Variants in KCTD16 observed in about 807,000 individuals in gnomAD.
KCTD16 encodes the protein potassium channel tetramerization domain containing 16, also known as BTB/POZ domain-containing protein KCTD16.
Under a neutral mutation model 33.2 loss-of-function variants are expected in KCTD16, and 13 were observed. The observed-to-expected ratio is 0.39, with a 90% CI of 0.25 to 0.62. The LOEUF (loss-of-function observed/expected upper bound fraction) is 0.62, where lower values mean the gene tolerates loss of function less well. Ranked by LOEUF, KCTD16 falls within the 20% of genes least tolerant of loss-of-function variation. KCTD16 has a pLI of 0.50. For missense variants in KCTD16, 441 were observed against 525.1 expected, an observed-to-expected ratio of 0.84 and a Z score of 1.57; for synonymous variants, 197 against 195.3, an observed-to-expected ratio of 1.01 and a Z score of -0.07.
At chr5:144,447,591 G>A (rs191074284) in intron 3 of KCTD16, among the ~76,000 whole-genome samples, 48 of 151,916 alleles carry the variant, frequency 3.2e-4, no homozygotes, top group African/African-American at 1.1e-3. Flanking sequence ...AAAAGAAAAT[G>A]CATGGAATTT....
chr5:144,437,077 G>A (rs528167335), intron 3 of KCTD16, among the ~76,000 whole-genome samples: 6 of 152,210 alleles, frequency 3.9e-5, no homozygotes, highest in Admixed American at 1.3e-4. Flanking sequence ...CTGTAGATTC[G>A]GTTTTGGAAG....
At position 144,483,788 on chromosome 5, in the gene KCTD16, T is replaced by C. The variant is rs1561626181; in HGVS notation, c.*9674T>C. ...CTTCAACTGATAGTCCTAGCACAGA[T>C]CCCTCCTCCCAGAGATCTGTCAGGT... On this transcript the variant is annotated 3_prime_UTR_variant, in exon 4 of 4. Transcript: ENST00000512467. 1 of 151,956 alleles carries C rather than the reference T, an allele frequency of 6.6e-6. No individual in the cohort carries two copies. 9.4% of individuals were successfully genotyped at this position (151,956 alleles called of 1,614,324 possible).
At chr5:144,429,879 T>C (rs755142635) in intron 3 of KCTD16, among the ~76,000 whole-genome samples, 1 of 149,956 alleles carries the variant, frequency 6.7e-6, no homozygotes, top group African/African-American at 2.5e-5. Flanking sequence ...TACCTTTAAA[T>C]CTAAAGACCA....
chr5:144,182,261 T>C (rs1752641795), intron 2 of KCTD16, among the ~76,000 whole-genome samples: 1 of 152,172 alleles, frequency 6.6e-6, no homozygotes, highest in Non-Finnish European at 1.5e-5. Context: ...CATGGATGAC[T>C]CTTGCCAGGT....
intron 3 of KCTD16, among the ~76,000 whole-genome samples, chr5:144,251,952 C>A (rs1400306765): frequency 6.6e-6 from 1 of 151,958 alleles, no homozygotes; most frequent in South Asian, 2.1e-4. Flanking sequence ...CTTCTTTTTC[C>A]TACATCTTTA....
intron 3 of KCTD16, among the ~76,000 whole-genome samples, chr5:144,328,619 ATG>A (rs904181018): frequency 3.3e-5 from 5 of 151,922 alleles, no homozygotes; most frequent in African/African-American, 1.2e-4. Context: ...TACATCATCT[ATG>A]TGTAAACTAA....
At chr5:144,462,748 C>T (rs1754229514) in intron 3 of KCTD16, among the ~76,000 whole-genome samples, 1 of 152,214 alleles carries the variant, frequency 6.6e-6, no homozygotes, top group Non-Finnish European at 1.5e-5. Flanking sequence ...TATTTATGTT[C>T]CATGCCGTCT....
intron 3 of KCTD16, among the ~76,000 whole-genome samples, chr5:144,363,094 G>C (rs1751752288): frequency 6.6e-6 from 1 of 152,130 alleles, no homozygotes. Flanking sequence ...GCTCATGCCT[G>C]TAATCCCAGC....
intron 2 of KCTD16, among the ~76,000 whole-genome samples, chr5:144,184,526 T>G (rs902708296): frequency 1.3e-5 from 2 of 152,188 alleles, no homozygotes; most frequent in African/African-American, 4.8e-5. Context: ...GGATATATAC[T>G]TAGAAGTAGA....
In KCTD16 at chr5:144,480,949, G is replaced by A. The variant is rs921581556; in HGVS notation, c.*6835G>A. 2 of 151,870 alleles carry A rather than the reference G, an allele frequency of 1.3e-5. No individual in the cohort carries two copies. Among genetic ancestry groups the A allele is most frequent in the Non-Finnish European group, 2.9e-5 (2 of 67,898 alleles). The allele number at this position is 151,870 out of a possible 1,614,324, so 9.4% of individuals were successfully genotyped here. ...ATCGGAACCAGTTTAAATGTGTATA[G>A]AAATTATATGTATGGAAATTATTTG... is the stretch of plus-strand genomic sequence containing the variant. On this transcript the variant is annotated 3_prime_UTR_variant, in exon 4 of 4. Coordinates refer to ENST00000512467, the MANE Select transcript of KCTD16 (RefSeq NM_020768.4).
chr5:144,190,736 C>T (rs1349831830), intron 2 of KCTD16, among the ~76,000 whole-genome samples: 1 of 152,114 alleles, frequency 6.6e-6, no homozygotes, highest in African/African-American at 2.4e-5. Context: ...TTATTTTTCT[C>T]CACTATATTT....
chr5:144,206,706 A>T lies in KCTD16; in HGVS notation c.-9A>T. On this transcript the variant is annotated 5_prime_UTR_variant, in exon 3 of 4. Coordinates refer to ENST00000512467, the MANE Select transcript of KCTD16 (RefSeq NM_020768.4). ...TAAATCAAAATAGCAGCAGCAGAAG[A>T]AAGGGACAATGGCTCTGAGTGGAAA... 6.2e-7 allele frequency: 1 copy of T among 1,603,086 alleles called. No individual in the cohort carries two copies. The highest frequency in any genetic ancestry group is 1.7e-4 in the Middle Eastern group (1 of 6,008).
At chr5:144,388,983 G>A (rs1752392423) in intron 3 of KCTD16, among the ~76,000 whole-genome samples, 1 of 152,156 alleles carries the variant, frequency 6.6e-6, no homozygotes, top group African/African-American at 2.4e-5. Flanking sequence ...GATGTTATGT[G>A]GGTGTTTTAT....
At chr5:144,341,330 A>G (rs1264617090) in intron 3 of KCTD16, among the ~76,000 whole-genome samples, 1 of 152,118 alleles carries the variant, frequency 6.6e-6, no homozygotes, top group Admixed American at 6.5e-5. Context: ...CACCTTGCTC[A>G]CTTGGGGAGA....
intron 2 of KCTD16, among the ~76,000 whole-genome samples, chr5:144,180,226 A>AC: frequency 6.6e-6 from 1 of 152,160 alleles, no homozygotes; most frequent in East Asian, 1.9e-4. Flanking sequence ...TGTTTCTAAG[A>AC]CCCACAGTCC....
rs535641289 is a variant in KCTD16, at chr5:144,460,898, G to T, written c.833-12762G>T. On this transcript the variant is annotated intron_variant, in intron 3 of 3. Coordinates refer to ENST00000512467, the MANE Select transcript of KCTD16 (RefSeq NM_020768.4). ...ATAAAAATGGTCTATAATCTAGTAA[G>T]CATTATTATACAAATACCAGATACC... 3.3e-5 allele frequency among the ~76,000 whole-genome samples: 5 copies of T among 152,236 alleles called. No individual in the cohort carries two copies. In the South Asian group the frequency reaches 1.0e-3, roughly 32 times the overall value.
intron 3 of KCTD16, chr5:144,384,397 A>G (rs1408659200): frequency 1.3e-5 from 2 of 152,254 alleles, no homozygotes; most frequent in African/African-American, 2.4e-5. Context: ...TTCATCAGAC[A>G]TCTGACCAAA....
chr5:144,363,745 A>G (rs1751770808), intron 3 of KCTD16, among the ~76,000 whole-genome samples: 2 of 152,040 alleles, frequency 1.3e-5, no homozygotes, highest in Admixed American at 6.5e-5. Context: ...GTATGTCAGG[A>G]TCTGTGTCCC....
chr5:144,474,199 A>T lies in KCTD16; in HGVS notation c.*85A>T. ...GGAATTCATATTTTAAAGGAAAAAAATACAACTAATGATGCACATTTCTTA... is the reference window on the plus strand; with the variant it reads ...GGAATTCATATTTTAAAGGAAAAAATTACAACTAATGATGCACATTTCTTA... On this transcript the variant is annotated 3_prime_UTR_variant, in exon 4 of 4. Coordinates refer to ENST00000512467, the MANE Select transcript of KCTD16 (RefSeq NM_020768.4). The T allele has an allele frequency of 9.7e-7, 1 of 1,032,158 alleles. No homozygotes were observed. Among genetic ancestry groups the T allele is most frequent in the East Asian group, 2.5e-5 (1 of 40,722 alleles). 63.9% of individuals were successfully genotyped at this position (1,032,158 alleles called of 1,614,324 possible).
Sources: gnomAD v4.1 joint callset for allele counts (sites outside exome capture counted in the v4.1 genomes callset) on GRCh38, gnomAD v4.1.1 for gene constraint, MANE v1.5 for transcripts, NCBI Gene and HGNC (gene_info 2026-07-23, HGNC 2026-07-21) for gene names.